CACNB4: variants seen among roughly 807,000 people sequenced by gnomAD.
CACNB4 encodes voltage-dependent L-type calcium channel subunit beta-4.
A neutral mutation model predicts 71.2 loss-of-function variants in CACNB4; 32 were observed. That is an observed-to-expected ratio of 0.45 (90% CI 0.34 to 0.60). CACNB4 has a LOEUF of 0.60. CACNB4 is among the 20% of genes least tolerant of loss of function. The pLI is 0.01. For missense variants in CACNB4, 464 were observed against 647.9 expected (o/e 0.72, Z 3.08); for synonymous variants, 231 against 236.9 (o/e 0.97, Z 0.23).
chr2:151,915,760 T>C (rs2099857321), intron 2 of CACNB4, among the ~76,000 whole-genome samples: 1 of 148,722 alleles, frequency 6.7e-6, no homozygotes. Flanking sequence ...GGCAGGAGAA[T>C]TGCTTGAACC....
chr2:151,915,555 G>A (rs1262478249), intron 2 of CACNB4, among the ~76,000 whole-genome samples: 3 of 152,208 alleles, frequency 2.0e-5, no homozygotes, highest in Non-Finnish European at 4.4e-5. Flanking sequence ...GTAAGAATGT[G>A]CTCGTGGCCA....
At chr2:151,955,860 C>T (rs1033146534) in intron 2 of CACNB4, among the ~76,000 whole-genome samples, 1 of 151,730 alleles carries the variant, frequency 6.6e-6, no homozygotes, top group Non-Finnish European at 1.5e-5. Context: ...CATGATTGCA[C>T]TACTGCCCTC....
chr2:152,098,977 G>T lies in CACNB4; in HGVS notation c.35C>A (p.Ala12Glu). 6.5e-7 allele frequency: 1 copy of T among 1,532,526 alleles called. No homozygotes were observed. The highest frequency in any genetic ancestry group is 8.8e-7 in the Non-Finnish European group (1 of 1,142,094). 94.9% of individuals were successfully genotyped at this position (1,532,526 alleles called of 1,614,324 possible). The change falls in exon 1 of 14, where the codon GCG (alanine) becomes GAG (glutamate). Residue 12 changes from alanine to glutamate, a missense_variant. By Grantham distance (107) the Ala-to-Glu change is moderately radical (BLOSUM62 -1). This residue lies in a region of CACNB4 where 50 missense variants were observed against 47.5 expected (regional missense o/e 1.05). Coordinates refer to ENST00000539935, the MANE Select transcript of CACNB4 (RefSeq NM_000726.5). The surrounding 1 kb of genome is among the most constrained non-coding windows in gnomAD (Gnocchi z 5.3). ...CGAGGTGGGGGAGTGCGGCCCGTCC[G>T]CGGTCCCGTTCTTGGCGTAGGAGGA... ...SSSSYAKNGT[A>E]DGPHSPTSQV...
intron 2 of CACNB4, among the ~76,000 whole-genome samples, chr2:151,982,831 T>A (rs1043426459): frequency 6.6e-6 from 1 of 152,156 alleles, no homozygotes; most frequent in South Asian, 2.1e-4. Flanking sequence ...GGGTCTCTTG[T>A]TGAGCGGCTC....
intron 12 of CACNB4, among the ~76,000 whole-genome samples, chr2:151,845,927 A>G (rs2099837440): frequency 6.6e-6 from 1 of 152,242 alleles, no homozygotes; most frequent in African/African-American, 2.4e-5. Context: ...ATTAAAAAGA[A>G]AAGCATTGTA....
At position 152,098,665 on chromosome 2, in the gene CACNB4, G is replaced by C. The variant is rs1688420934; in HGVS notation, c.64-252C>G. The C allele has an allele frequency of 6.4e-7, 1 of 1,568,960 alleles. No individual in the cohort carries two copies. The highest frequency in any genetic ancestry group is 8.6e-7 in the Non-Finnish European group (1 of 1,157,200). On this transcript the variant is annotated intron_variant, in intron 1 of 13. Coordinates refer to ENST00000539935, the MANE Select transcript of CACNB4 (RefSeq NM_000726.5). The surrounding 1 kb of genome is among the most constrained non-coding windows in gnomAD (Gnocchi z 5.3). The stretch of plus-strand genomic sequence containing the variant: ...CCACATCCATTAACAAAGACTCTCA[G>C]GGTGCGGGGTCCGAGTCCCCGGCAT...
intron 2 of CACNB4, among the ~76,000 whole-genome samples, chr2:151,935,978 A>G (rs1038001493): frequency 6.6e-6 from 1 of 152,238 alleles, no homozygotes; most frequent in African/African-American, 2.4e-5. Flanking sequence ...AAACTAGTAT[A>G]GATTTAGTTT....
chr2:151,950,124 A>C (rs2099866568), intron 2 of CACNB4, among the ~76,000 whole-genome samples: 3 of 152,128 alleles, frequency 2.0e-5, no homozygotes, highest in Admixed American at 2.0e-4. Flanking sequence ...CTGGAAAGAA[A>C]GGGACAAGGC....
At chr2:151,994,201 T>G (rs1681904256) in intron 2 of CACNB4, among the ~76,000 whole-genome samples, 1 of 151,868 alleles carries the variant, frequency 6.6e-6, no homozygotes, top group Non-Finnish European at 1.5e-5. Flanking sequence ...AGGATTAAAT[T>G]TTCCTGTCTG....
chr2:151,872,450 A>T lies in CACNB4; in HGVS notation c.565T>A (p.Ser189Thr), dbSNP rs2099844880. 6.2e-7 allele frequency: 1 copy of T among 1,606,502 alleles called. No individual in the cohort carries two copies. Among genetic ancestry groups the T allele is most frequent in the African/African-American group, 1.3e-5 (1 of 74,864 alleles). Residue 189 changes from serine (S) to threonine (T), a missense_variant, in exon 6 of 14, where the codon TCT (serine) becomes ACT (threonine). By Grantham distance (58) the Ser-to-Thr change is moderately conservative. Transcript: ENST00000539935. The stretch of plus-strand genomic sequence containing the variant: ...GTGGGAGTTGCTCGGAATGTCCCAG[A>T]TACCATTTCTCCAAGACTTGAAGAA... ...NSSSSLGEMV[S>T]GTFRATPTST...
chr2:151,974,428 C>G (rs1193531370), intron 2 of CACNB4, among the ~76,000 whole-genome samples: 1 of 152,140 alleles, frequency 6.6e-6, no homozygotes, highest in Non-Finnish European at 1.5e-5. Context: ...GTGGGAATTT[C>G]TATAGTAAAA....
intron 2 of CACNB4, among the ~76,000 whole-genome samples, chr2:151,902,008 C>G (rs986613700): frequency 6.6e-6 from 1 of 151,042 alleles, no homozygotes; most frequent in Admixed American, 6.6e-5. Flanking sequence ...GCAACGTTCT[C>G]CCTAGTGGGT....
Position 152,021,673 on chromosome 2 carries a change from G to T in CACNB4, c.147+76657C>A, listed in dbSNP as rs1314282281. 9.2e-5 allele frequency among the ~76,000 whole-genome samples: 14 copies of T among 152,156 alleles called. 1 individual carries two copies. The highest frequency in any genetic ancestry group is 9.2e-4 in the Admixed American group (14 of 15,274). Reference sequence around the variant, plus strand: ...TCTCATACGTATGTAAATCAATGATGCTTTATCAAGGATAAAAATACCATT... The same window carrying T: ...TCTCATACGTATGTAAATCAATGATTCTTTATCAAGGATAAAAATACCATT... On this transcript the variant is annotated intron_variant, in intron 2 of 13. Coordinates refer to ENST00000539935, the MANE Select transcript of CACNB4 (RefSeq NM_000726.5).
At chr2:152,072,807 A>AT (rs780232798) in intron 2 of CACNB4, among the ~76,000 whole-genome samples, 7,281 of 138,572 alleles carry the variant, frequency 0.053, 211 homozygotes, top group African/African-American at 0.083. Flanking sequence ...GGCCCAGCTG[A>AT]TTTTTTTTTT....
intron 12 of CACNB4, among the ~76,000 whole-genome samples, chr2:151,842,845 C>T (rs762508226): frequency 6.6e-6 from 1 of 152,136 alleles, no homozygotes; most frequent in African/African-American, 2.4e-5. Context: ...ATGGAATAAA[C>T]ATTTTTTCTC....
chr2:151,973,617 G>A (rs2099873200), intron 2 of CACNB4: 1 of 1,526,858 alleles, frequency 6.5e-7, no homozygotes, highest in South Asian at 1.1e-5. Context: ...AGGGGATAGT[G>A]GGAGGAGGAA....
chr2:151,870,013 C>G, intron 8 of CACNB4: 1 of 550,348 alleles, frequency 1.8e-6, no homozygotes, highest in Non-Finnish European at 3.2e-6. Context: ...GTTTAATCTC[C>G]AAAGTTCACT....
At chr2:151,845,633 T>G (rs772212153) in intron 12 of CACNB4, among the ~76,000 whole-genome samples, 5 of 152,250 alleles carry the variant, frequency 3.3e-5, no homozygotes, top group Non-Finnish European at 7.3e-5. Flanking sequence ...GGGCTATGGA[T>G]GCAGAGAGCT....
chr2:152,076,227 C>T (rs1291797128), intron 2 of CACNB4, among the ~76,000 whole-genome samples: 1 of 142,886 alleles, frequency 7.0e-6, no homozygotes, highest in Non-Finnish European at 1.5e-5. Context: ...ACTGCAACCT[C>T]TGCCTCCCAG....
Sources: allele counts gnomAD v4.1 joint callset (sites outside exome capture counted in the v4.1 genomes callset), GRCh38; gene constraint gnomAD v4.1.1; regional missense constraint gnomAD v4.1.1; non-coding constraint Gnocchi (gnomAD v3.1); transcripts MANE v1.5; gene names NCBI Gene and HGNC (gene_info 2026-07-23, HGNC 2026-07-21).